Variants in CFAP47 observed in about 807,000 individuals in gnomAD.
CFAP47 encodes cilia and flagella associated protein 47.
A neutral mutation model predicts 148.1 loss-of-function variants in CFAP47; 29 were observed. The ratio of observed to expected loss-of-function variants is 0.20; its 90% CI spans 0.15 to 0.27. The LOEUF is 0.27. Among genes scored for constraint, CFAP47 ranks in the 10% least tolerant of loss-of-function variants. The pLI, the probability that CFAP47 is intolerant of heterozygous loss-of-function variation, is 1.00. For synonymous variants in CFAP47, 664 were observed against 577.3 expected, an observed-to-expected ratio of 1.15 and a Z score of -2.15; for missense variants, 1,872 against 1,697.5, an observed-to-expected ratio of 1.10 and a Z score of -1.81.
At chrX:36,141,781 T>C (rs1436988404) in intron 35 of CFAP47, among the ~76,000 whole-genome samples, 1 of 109,099 alleles carries the variant, frequency 9.2e-6, no homozygotes, top group Non-Finnish European at 1.9e-5. Flanking sequence ...TCAGTTTTGC[T>C]CAGCCATTCT....
chrX:36,182,411 C>G (rs1939760713), intron 40 of CFAP47, among the ~76,000 whole-genome samples: 2 of 111,974 alleles, frequency 1.8e-5, no homozygotes, highest in Non-Finnish European at 3.8e-5. Context: ...GACACAAAGA[C>G]TTTTATCCGC....
chrX:35,960,896 A>C (rs1936321089), intron 8 of CFAP47, among the ~76,000 whole-genome samples: 1 of 111,544 alleles, frequency 9.0e-6, no homozygotes, highest in Admixed American at 9.6e-5. Context: ...CTCTAGTACA[A>C]TATTAAATAG....
Position 36,336,793 on chromosome X carries a change from AAT to A in CFAP47, c.8444-11333_8444-11332del, listed in dbSNP as rs782413154. The stretch of plus-strand genomic sequence containing the variant: ...ATAAGAAAAATATTATTTGAAAAAT[AAT>A]ATGTTTTTGAAATAAAAGGCAACTA... On this transcript the variant is annotated intron_variant, in intron 57 of 63. Coordinates refer to ENST00000378653, the MANE Select transcript of CFAP47 (RefSeq NM_001304548.2). Among the ~76,000 whole-genome samples, 4 of 111,748 alleles carry A rather than the reference AAT, an allele frequency of 3.6e-5. No homozygotes were observed. In the East Asian group the frequency reaches 1.1e-3, roughly 31 times the overall value.
chrX:36,339,851 T>C (rs1941638400), intron 57 of CFAP47, among the ~76,000 whole-genome samples: 1 of 112,253 alleles, frequency 8.9e-6, no homozygotes, highest in East Asian at 2.8e-4. Context: ...TTAGCAATCA[T>C]ATTTGCACTG....
Position 35,925,960 on chromosome X carries a change from A to AT in CFAP47, c.250-47dup, listed in dbSNP as rs375246793. ...GTGAGCCATTGTGCCCAGCCATGGT[A>AT]TTTTTTTTTTATAAGGAGTTAAAAT... On this transcript the variant is annotated intron_variant, in intron 1 of 63. Coordinates refer to ENST00000378653, the MANE Select transcript of CFAP47 (RefSeq NM_001304548.2). 0.022 allele frequency: 19,285 copies of AT among 886,370 alleles called. 1,437 individuals carry two copies. In the African/African-American group the frequency reaches 0.3, roughly 14 times the overall value. 73.0% of individuals were successfully genotyped at this position (886,370 alleles called of 1,213,427 possible).
At chrX:36,010,156 A>G (rs1937022722) in intron 21 of CFAP47, among the ~76,000 whole-genome samples, 1 of 111,826 alleles carries the variant, frequency 8.9e-6, no homozygotes, top group Non-Finnish European at 1.9e-5. Context: ...CTGTAATGTA[A>G]CTTGAAATGC....
At chrX:36,384,525 C>T (rs1415145499) in intron 63 of CFAP47, among the ~76,000 whole-genome samples, 1 of 111,689 alleles carries the variant, frequency 9.0e-6, no homozygotes, top group Admixed American at 9.6e-5. Context: ...CAGTCTTATG[C>T]AAGCCAAATA....
chrX:35,952,048 ATAATAG>A (rs1936174753), intron 6 of CFAP47, 85 bp downstream of exon 6: 12 of 986,503 alleles, frequency 1.2e-5, no homozygotes, highest in Non-Finnish European at 1.6e-5. Flanking sequence ...CTTTAATACT[ATAATAG>A]TAAAACTTGC....
intron 21 of CFAP47, among the ~76,000 whole-genome samples, chrX:36,009,474 G>A (rs1937015869): frequency 1.8e-5 from 2 of 111,979 alleles, no homozygotes; most frequent in South Asian, 3.7e-4. Context: ...AAAACAGGTT[G>A]TATTTGAACA....
At chrX:35,997,431 G>A in intron 19 of CFAP47, 42 bp downstream of exon 19, 1 of 291,109 alleles carries the variant, frequency 3.4e-6, no homozygotes, top group Non-Finnish European at 6.0e-6. Context: ...TCTGAGTGTG[G>A]TGATTTTTAT....
intron 29 of CFAP47, among the ~76,000 whole-genome samples, chrX:36,081,462 A>G (rs1446797052): frequency 8.9e-6 from 1 of 111,846 alleles, no homozygotes; most frequent in Non-Finnish European, 1.9e-5. Flanking sequence ...CAAAAAATCA[A>G]GGAGGAAAGA....
At chrX:36,199,474 A>G (rs1163122932) in intron 42 of CFAP47, among the ~76,000 whole-genome samples, 2 of 111,907 alleles carry the variant, frequency 1.8e-5, no homozygotes, top group African/African-American at 6.5e-5. Flanking sequence ...TTGAGGCAAC[A>G]TTAATATAGA....
intron 45 of CFAP47, among the ~76,000 whole-genome samples, chrX:36,221,169 C>T (rs181411237): frequency 3.2e-4 from 36 of 111,230 alleles, no homozygotes; most frequent in Admixed American, 8.6e-4. Context: ...GGGTAACTCC[C>T]ATGAGGATTT....
intron 30 of CFAP47, among the ~76,000 whole-genome samples, chrX:36,088,934 G>A (rs111432297): frequency 0.026 from 2,933 of 111,649 alleles, 94 homozygotes; most frequent in African/African-American, 0.09. Flanking sequence ...TAAAGCTATT[G>A]TAACTCTTAT....
At chrX:35,924,614 A>G (rs767599432) in intron 1 of CFAP47, among the ~76,000 whole-genome samples, 1 of 108,433 alleles carries the variant, frequency 9.2e-6, no homozygotes, top group South Asian at 4.0e-4. Context: ...GGTATATATT[A>G]TGTATGTATA....
intron 40 of CFAP47, among the ~76,000 whole-genome samples, chrX:36,187,652 GT>G (rs1288864585): frequency 9.0e-6 from 1 of 111,141 alleles, no homozygotes; most frequent in South Asian, 3.7e-4. Context: ...AATAATAAAT[GT>G]TTTTTTAAAA....
At chrX:36,341,434 G>A (rs1941652555) in intron 57 of CFAP47, among the ~76,000 whole-genome samples, 2 of 111,072 alleles carry the variant, frequency 1.8e-5, no homozygotes, top group South Asian at 3.7e-4. Flanking sequence ...ATTAAAAAAC[G>A]GGAGCAGAAA....
intron 29 of CFAP47, 107 bp downstream of exon 29, chrX:36,073,471 C>A: frequency 3.9e-6 from 2 of 511,856 alleles, no homozygotes; most frequent in South Asian, 4.5e-5. Context: ...GTAATTTATT[C>A]TAAACTGATA....
intron 3 of CFAP47, among the ~76,000 whole-genome samples, chrX:35,942,407 T>C (rs1936023227): frequency 9.0e-6 from 1 of 111,077 alleles, no homozygotes; most frequent in Non-Finnish European, 1.9e-5. Flanking sequence ...ATGTTACTCA[T>C]CTCACTTTCT....
Sources: allele counts gnomAD v4.1 joint callset (sites outside exome capture counted in the v4.1 genomes callset), GRCh38; gene constraint gnomAD v4.1.1; transcripts MANE v1.5; gene names NCBI Gene and HGNC (gene_info 2026-07-23, HGNC 2026-07-21).